Variants in SDHC observed in about 807,000 individuals in gnomAD.
The protein encoded by SDHC is succinate dehydrogenase cytochrome b560 subunit, mitochondrial.
In SDHC, 11 loss-of-function variants were observed where a neutral mutation model predicts 22.6. The ratio of observed to expected loss-of-function variants is 0.49; its 90% CI spans 0.31 to 0.81. SDHC has a LOEUF of 0.81. Among genes scored for constraint, SDHC ranks in the 30% least tolerant of loss-of-function variants. The probability of loss-of-function intolerance (pLI) is 0.05; values close to 1 mark genes in which losing one functional copy is unlikely to be tolerated. For missense variants in SDHC, 160 were observed against 212.0 expected, an observed-to-expected ratio of 0.75 and a Z score of 1.52; for synonymous variants, 80 against 77.8, an observed-to-expected ratio of 1.03 and a Z score of -0.15.
chr1:161,343,901 A>G (rs1218564861), intron 4 of SDHC, among the ~76,000 whole-genome samples: 1 of 152,188 alleles, frequency 6.6e-6, no homozygotes, highest in Non-Finnish European at 1.5e-5. Flanking sequence ...GCTAAAATTG[A>G]ATATTTTTCA....
At chr1:161,314,613 G>A in intron 1 of SDHC, 188 bp downstream of exon 1, 1 of 665,846 alleles carries the variant, frequency 1.5e-6, no homozygotes, top group Non-Finnish European at 2.6e-6. Flanking sequence ...GGTGCGCTCC[G>A]TAGGGCTTCG....
At chr1:161,347,167 G>A (rs1671930046) in intron 4 of SDHC, among the ~76,000 whole-genome samples, 1 of 152,136 alleles carries the variant, frequency 6.6e-6, no homozygotes, top group Non-Finnish European at 1.5e-5. Flanking sequence ...GGTAGAGGAG[G>A]GCATTCCAAC....
At chr1:161,346,916 A>C (rs1420654858) in intron 4 of SDHC, among the ~76,000 whole-genome samples, 1 of 152,246 alleles carries the variant, frequency 6.6e-6, no homozygotes, top group East Asian at 1.9e-4. Flanking sequence ...TACCTAATAC[A>C]ATGTAAACGC....
chr1:161,352,334 C>G (rs1308228317), intron 4 of SDHC, among the ~76,000 whole-genome samples: 1 of 152,090 alleles, frequency 6.6e-6, no homozygotes, highest in East Asian at 1.9e-4. Context: ...GTGAGGCAGC[C>G]AGCCAAAATG....
chr1:161,340,153 G>C (rs1410199637), intron 3 of SDHC, among the ~76,000 whole-genome samples: 1 of 152,058 alleles, frequency 6.6e-6, no homozygotes, highest in Admixed American at 6.6e-5. Context: ...GGCGGACCTG[G>C]TGGCAGGCAC....
chr1:161,355,275 C>G (rs929109663), intron 4 of SDHC, among the ~76,000 whole-genome samples: 1 of 152,094 alleles, frequency 6.6e-6, no homozygotes, highest in Non-Finnish European at 1.5e-5. Flanking sequence ...ATTTATTTAT[C>G]GTCCTTGGAA....
chr1:161,337,256 A>G (rs1479885508), intron 3 of SDHC, among the ~76,000 whole-genome samples: 3 of 152,136 alleles, frequency 2.0e-5, no homozygotes. Context: ...TCTTTGCTCC[A>G]TGGTGCCCGA....
At chr1:161,357,920 C>G (rs1672345557) in intron 5 of SDHC, among the ~76,000 whole-genome samples, 1 of 151,474 alleles carries the variant, frequency 6.6e-6, no homozygotes, top group Non-Finnish European at 1.5e-5. Context: ...ATTACCTTTT[C>G]TTATCTACAC....
At chr1:161,358,430 A>G (rs1418889716) in intron 5 of SDHC, among the ~76,000 whole-genome samples, 2 of 151,934 alleles carry the variant, frequency 1.3e-5, no homozygotes, top group African/African-American at 4.8e-5. Context: ...ATAGATTGGA[A>G]ACTGTCCATG....
At chr1:161,341,420 C>A (rs938932068) in intron 4 of SDHC, among the ~76,000 whole-genome samples, 1 of 152,112 alleles carries the variant, frequency 6.6e-6, no homozygotes, top group Non-Finnish European at 1.5e-5. Context: ...ATATGAACTG[C>A]AGCTACAGAG....
chr1:161,359,760 GT>G (rs1383253242), intron 5 of SDHC, among the ~76,000 whole-genome samples: 1 of 151,896 alleles, frequency 6.6e-6, no homozygotes, highest in Non-Finnish European at 1.5e-5. Context: ...TGTGTTTTCT[GT>G]GACAGTCTGC....
chr1:161,356,629 G>T, intron 4 of SDHC, 48 bp from the exon 5 acceptor site: 2 of 1,598,940 alleles, frequency 1.3e-6, no homozygotes, highest in Non-Finnish European at 8.6e-7. Flanking sequence ...TATCATATTA[G>T]TTGTAACTTA....
At chr1:161,356,906 C>T in intron 5 of SDHC, 66 bp downstream of exon 5, 2 of 1,495,106 alleles carry the variant, frequency 1.3e-6, no homozygotes, top group South Asian at 1.1e-5. Flanking sequence ...AGGATTCTTT[C>T]CTTCATTACT....
chr1:161,314,824 C>T (rs575110093), intron 1 of SDHC: 3 of 222,778 alleles, frequency 1.3e-5, no homozygotes, highest in South Asian at 1.6e-4. Flanking sequence ...GAGAGATCTT[C>T]GTGTATTTTG....
At chr1:161,356,093 C>T (rs1160157970) in intron 4 of SDHC, among the ~76,000 whole-genome samples, 1 of 151,616 alleles carries the variant, frequency 6.6e-6, no homozygotes, top group East Asian at 1.9e-4. Context: ...GATGATATAG[C>T]AAGGCTTGAT....
rs191582997 is a variant in SDHC, at chr1:161,330,728, G to A, written c.179+2231G>A. 2.2e-4 allele frequency among the ~76,000 whole-genome samples: 34 copies of A among 152,222 alleles called. No homozygotes were observed. In the East Asian group the frequency reaches 2.5e-3, roughly 11 times the overall value. ...TAAGAACATTGTTGGGACCAGGCGCGATGGCTCACATCTGTAATCCTAGCA... is the reference window on the plus strand; with the variant it reads ...TAAGAACATTGTTGGGACCAGGCGCAATGGCTCACATCTGTAATCCTAGCA... On this transcript the variant is annotated intron_variant, in intron 3 of 5. Transcript: ENST00000367975.
rs545398157 is a variant in SDHC, at chr1:161,326,533, T to C, written c.78-1863T>C. 2.9e-5 allele frequency: 4 copies of C among 137,296 alleles called. No homozygotes were observed. The South Asian group carries it at 6.9e-4, about 24-fold the overall frequency. 8.5% of individuals were successfully genotyped at this position (137,296 alleles called of 1,614,324 possible). ...TGCTGTCTTTGAGTTTCTTTTTTTC[T>C]TCTCTCTTTCTCTCTCTTTTTTTTT... On this transcript the variant is annotated intron_variant, in intron 2 of 5. Coordinates refer to ENST00000367975, the MANE Select transcript of SDHC (RefSeq NM_003001.5).
chr1:161,351,270 C>T (rs773701150), intron 4 of SDHC, among the ~76,000 whole-genome samples: 47 of 152,096 alleles, frequency 3.1e-4, no homozygotes, highest in Non-Finnish European at 6.0e-4. Context: ...ATCTTCTATA[C>T]TTTAGTCTCT....
intron 3 of SDHC, among the ~76,000 whole-genome samples, chr1:161,335,659 C>T (rs142014105): frequency 4.6e-4 from 70 of 152,192 alleles, no homozygotes; most frequent in African/African-American, 1.6e-3. Flanking sequence ...CAAAATGACT[C>T]CTGTGAAATC....
Sources: allele counts gnomAD v4.1 joint callset (sites outside exome capture counted in the v4.1 genomes callset), GRCh38; gene constraint gnomAD v4.1.1; transcripts MANE v1.5; gene names NCBI Gene and HGNC (gene_info 2026-07-23, HGNC 2026-07-21).